GATAD2B: variants seen among roughly 807,000 people sequenced by gnomAD.
GATAD2B encodes the protein GATA zinc finger domain containing 2B.
In GATAD2B, 8 loss-of-function variants were observed where a neutral mutation model predicts 64.3. The observed-to-expected ratio is 0.12, with a 90% CI of 0.07 to 0.22. The LOEUF (loss-of-function observed/expected upper bound fraction) is 0.22, where lower values mean the gene tolerates loss of function less well. Among genes scored for constraint, GATAD2B ranks in the 10% least tolerant of loss-of-function variants. GATAD2B has a pLI of 1.00. For missense variants in GATAD2B, 453 were observed against 752.0 expected (o/e 0.60, Z 4.65); for synonymous variants, 281 against 271.3 (o/e 1.04, Z -0.35).
intron 1 of GATAD2B, chr1:153,886,353 A>G (rs192017985): frequency 7.2e-5 from 11 of 152,284 alleles, no homozygotes; most frequent in African/African-American, 2.6e-4. Flanking sequence ...GGCAATTATA[A>G]CACAATGGTA....
chr1:153,853,541 T>C (rs1570961028), intron 1 of GATAD2B: 2 of 250,506 alleles, frequency 8.0e-6, no homozygotes, highest in Admixed American at 4.9e-5. Flanking sequence ...ATCAAATATA[T>C]GGTTCACAAA....
chr1:153,883,577 A>G (rs1475411742), intron 1 of GATAD2B, among the ~76,000 whole-genome samples: 1 of 152,214 alleles, frequency 6.6e-6, no homozygotes, highest in African/African-American at 2.4e-5. Flanking sequence ...GAAACCAATT[A>G]TGAATTTTAA....
At chr1:153,915,874 T>C (rs983627016) in intron 1 of GATAD2B, among the ~76,000 whole-genome samples, 2 of 152,158 alleles carry the variant, frequency 1.3e-5, no homozygotes, top group Non-Finnish European at 2.9e-5. Context: ...ACTCAAAGTT[T>C]ACATTTTAAT....
chr1:153,841,849 T>C (rs1675508520), intron 1 of GATAD2B, among the ~76,000 whole-genome samples: 1 of 152,228 alleles, frequency 6.6e-6, no homozygotes, highest in South Asian at 2.1e-4. Flanking sequence ...TGTTCGGTTT[T>C]ATAAGAAACT....
At chr1:153,845,128 T>G (rs1214512624) in intron 1 of GATAD2B, among the ~76,000 whole-genome samples, 1 of 152,154 alleles carries the variant, frequency 6.6e-6, no homozygotes, top group Admixed American at 6.5e-5. Context: ...ATCAAACTTC[T>G]AGAGATGAAA....
intron 1 of GATAD2B, among the ~76,000 whole-genome samples, chr1:153,841,326 C>A (rs1317226123): frequency 6.6e-6 from 1 of 152,058 alleles, no homozygotes; most frequent in Non-Finnish European, 1.5e-5. Flanking sequence ...CTTAGTTCTA[C>A]ACAATTTTGT....
At chr1:153,865,843 C>A (rs901417193) in intron 1 of GATAD2B, among the ~76,000 whole-genome samples, 1 of 152,086 alleles carries the variant, frequency 6.6e-6, no homozygotes, top group African/African-American at 2.4e-5. Flanking sequence ...ACGGTCTCAA[C>A]GGGGTGCAGT....
chr1:153,905,441 G>A (rs1677895396), intron 1 of GATAD2B, among the ~76,000 whole-genome samples: 1 of 149,790 alleles, frequency 6.7e-6, no homozygotes. Context: ...CTATAACTGA[G>A]CAGAATCCCA....
chr1:153,811,696 C>T, intron 10 of GATAD2B, 35 bp downstream of exon 10: 3 of 1,268,436 alleles, frequency 2.4e-6, no homozygotes, highest in Non-Finnish European at 3.5e-6. Flanking sequence ...TAACAGCTGA[C>T]CCATGAGAAA....
chr1:153,901,213 C>A (rs76131617), intron 1 of GATAD2B, among the ~76,000 whole-genome samples: 10 of 138,964 alleles, frequency 7.2e-5, no homozygotes, highest in South Asian at 2.3e-4. Context: ...AATTCTACCT[C>A]AAAAAAAAAA....
At chr1:153,882,985 AG>A (rs775509329) in intron 1 of GATAD2B, among the ~76,000 whole-genome samples, 10 of 152,218 alleles carry the variant, frequency 6.6e-5, no homozygotes, top group Non-Finnish European at 1.5e-4. Flanking sequence ...CCTTTGCTCT[AG>A]GATCTTTCTC....
intron 1 of GATAD2B, among the ~76,000 whole-genome samples, chr1:153,862,118 CTTTTTT>C (rs754580519): frequency 4.0e-5 from 4 of 101,182 alleles, no homozygotes; most frequent in East Asian, 3.0e-4. Flanking sequence ...ACATTATATC[CTTTTTT>C]TTTTTTTTTT....
intron 1 of GATAD2B, among the ~76,000 whole-genome samples, chr1:153,830,138 T>C (rs1458646149): frequency 6.6e-6 from 1 of 152,018 alleles, no homozygotes; most frequent in Non-Finnish European, 1.5e-5. Flanking sequence ...ACACACCCTT[T>C]ATTATATTTG....
rs1199684642 is a variant in GATAD2B at position 153,859,343 on chromosome 1, G to T, written c.-1-30995C>A. On this transcript the variant is annotated intron_variant, in intron 1 of 10. Coordinates refer to ENST00000368655, the MANE Select transcript of GATAD2B (RefSeq NM_020699.4). ...GATTCCACCACTGCACTCCAGCCTG[G>T]GTGGCTGCAAGACTTCACCTCAAAA... Among the ~76,000 whole-genome samples, 26 of 142,484 alleles carry T rather than the reference G, an allele frequency of 1.8e-4. 1 individual carries two copies. The Admixed American group carries it at 1.9e-3, about 10-fold the overall frequency. The allele number at this position is 142,484 out of a possible 152,430, so 93.5% of individuals were successfully genotyped here. A position where few individuals can be genotyped will look rare whatever the true frequency, so the allele number is the denominator to read the frequency against.
At chr1:153,879,387 C>A (rs1301214855) in intron 1 of GATAD2B, among the ~76,000 whole-genome samples, 2 of 151,348 alleles carry the variant, frequency 1.3e-5, no homozygotes, top group Non-Finnish European at 2.9e-5. Context: ...ATACTTTATT[C>A]TTTAATATAC....
intron 3 of GATAD2B, among the ~76,000 whole-genome samples, 200 bp from the exon 4 acceptor site, chr1:153,819,122 A>G (rs1674584516): frequency 1.3e-5 from 2 of 152,244 alleles, no homozygotes; most frequent in African/African-American, 2.4e-5. Context: ...TTACAGAATT[A>G]AAGGACAGAC....
At chr1:153,853,014 C>T in intron 1 of GATAD2B, 1 of 1,293,570 alleles carries the variant, frequency 7.7e-7, no homozygotes, top group Non-Finnish European at 1.1e-6. Flanking sequence ...TCTTGTCCAT[C>T]AACCCTGTGA....
intron 1 of GATAD2B, among the ~76,000 whole-genome samples, chr1:153,908,597 T>C (rs1414046914): frequency 6.6e-6 from 1 of 150,622 alleles, no homozygotes; most frequent in African/African-American, 2.4e-5. Flanking sequence ...GCCTTCCCAG[T>C]AGCTGGGATT....
Position 153,816,649 on chromosome 1 carries a change from T to G in GATAD2B, c.901-61A>C, listed in dbSNP as rs2101880074. ...GCAGGAGAAAGGGCCAATTCTTACGTTCTTGGCAGAGGACACTGTCTGATC... is the reference window on the plus strand; with the variant it reads ...GCAGGAGAAAGGGCCAATTCTTACGGTCTTGGCAGAGGACACTGTCTGATC... On this transcript the variant is annotated intron_variant, in intron 6 of 10. Coordinates refer to ENST00000368655, the MANE Select transcript of GATAD2B (RefSeq NM_020699.4). This position sits in a 1 kb window ranked among gnomAD's most constrained non-coding sequence, Gnocchi z 4.9. 1.8e-6 allele frequency: 2 copies of G among 1,128,972 alleles called. No individual in the cohort carries two copies. The highest frequency in any genetic ancestry group is 4.0e-4 in the Middle Eastern group (2 of 5,048). 69.9% of individuals were successfully genotyped at this position (1,128,972 alleles called of 1,614,324 possible). A position where few individuals can be genotyped will look rare whatever the true frequency, so the allele number is the denominator to read the frequency against.
Sources: gnomAD v4.1 joint callset for allele counts (sites outside exome capture counted in the v4.1 genomes callset) on GRCh38, gnomAD v4.1.1 for gene constraint, Gnocchi (gnomAD v3.1) non-coding constraint, MANE v1.5 for transcripts, NCBI Gene and HGNC (gene_info 2026-07-23, HGNC 2026-07-21) for gene names.